GTPBP2: variants seen among roughly 807,000 people sequenced by gnomAD.
GTPBP2 encodes the protein GTP binding protein 2.
A neutral mutation model predicts 63.0 loss-of-function variants in GTPBP2; 32 were observed. The ratio of observed to expected loss-of-function variants is 0.51; its 90% confidence interval spans 0.38 to 0.68. GTPBP2 has a LOEUF of 0.68. Among genes scored for constraint, GTPBP2 ranks in the 30% least tolerant of loss-of-function variants. The probability of loss-of-function intolerance (pLI) is 0.00; values close to 1 mark genes in which losing one functional copy is unlikely to be tolerated. For synonymous variants in GTPBP2, 310 were observed against 322.6 expected (o/e 0.96, Z 0.42); for missense variants, 492 against 796.9 (o/e 0.62, Z 4.61).
Position 43,621,986 on chromosome 6 carries a change from G to A in GTPBP2, c.1632+17C>T. On this transcript the variant is annotated intron_variant, in intron 11 of 11. Transcript: ENST00000307126. ...TTTTCTGACCTCTGGAGAAATGGAA[G>A]GCCAGGTCCCTCTCACCTTGGCATG... The A allele has an allele frequency of 1.9e-6, 3 of 1,613,582 alleles. No individual in the cohort carries two copies. The highest frequency in any genetic ancestry group is 1.1e-5 in the South Asian group (1 of 91,066).
chr6:43,630,159 A>C (rs897358709), upstream of GTPBP2, among the ~76,000 whole-genome samples: 1 of 152,244 alleles, frequency 6.6e-6, no homozygotes, highest in Non-Finnish European at 1.5e-5. Context: ...CCGGGAATAG[A>C]AACTTGGCCT....
Position 43,626,153 on chromosome 6 carries a change from C to A in GTPBP2, c.398+73G>T. 7.1e-7 allele frequency: 1 copy of A among 1,400,186 alleles called. No homozygotes were observed. 86.7% of individuals were successfully genotyped at this position (1,400,186 alleles called of 1,614,324 possible). A position where few individuals can be genotyped will look rare whatever the true frequency, so the allele number is the denominator to read the frequency against. On this transcript the variant is annotated intron_variant, in intron 3 of 11. Transcript: ENST00000307126. The surrounding 1 kb of genome is among the most constrained non-coding windows in gnomAD (Gnocchi z 4.0). ...GAAAGTCCCACCTTGGCCCCTCAGG[C>A]CCTAGGTAACTGGGTATGCATGGGT... is the stretch of plus-strand genomic sequence containing the variant.
chr6:43,629,828 T>G (rs1769784429), upstream of GTPBP2: 1 of 1,535,214 alleles, frequency 6.5e-7, no homozygotes, highest in Non-Finnish European at 8.8e-7. Flanking sequence ...TTACGGCTGT[T>G]ATTGTTGGGA....
intron 1 of GTPBP2, among the ~76,000 whole-genome samples, chr6:43,628,102 G>A (rs1174325205): frequency 6.6e-6 from 1 of 152,322 alleles, no homozygotes; most frequent in Non-Finnish European, 1.5e-5. Context: ...GGAGGCTCAC[G>A]CCTGCAATCC....
chr6:43,627,054 C>G, intron 1 of GTPBP2, 106 bp from the exon 2 acceptor site: 3 of 1,036,358 alleles, frequency 2.9e-6, no homozygotes, highest in Non-Finnish European at 4.3e-6. Context: ...GCAGGAAGCC[C>G]CACTGGCACT....
At chr6:43,628,663 T>C (rs1769632941) in intron 1 of GTPBP2, 6 of 823,988 alleles carry the variant, frequency 7.3e-6, no homozygotes, top group Middle Eastern at 2.9e-4. Flanking sequence ...TCTTGCCCTA[T>C]GGCGGCACAC....
chr6:43,629,650 C>A, upstream of GTPBP2: 1 of 1,305,690 alleles, frequency 7.7e-7, no homozygotes, highest in Non-Finnish European at 1.1e-6. Context: ...CCCTTTAGCG[C>A]GGATCCTAGA....
At position 43,622,429 on chromosome 6, in the gene GTPBP2, T is replaced by C. The variant is rs1028395757; in HGVS notation, c.1467+204A>G. On this transcript the variant is annotated intron_variant, in intron 10 of 11. Coordinates refer to ENST00000307126, the MANE Select transcript of GTPBP2 (RefSeq NM_019096.5). This position sits in a 1 kb window ranked among gnomAD's most constrained non-coding sequence, Gnocchi z 5.4. ...AGTGTTCATTAAAAACAGTGTAACA[T>C]AGTGATTCATATTTAGTTATCTGTA... 4.6e-5 allele frequency among the ~76,000 whole-genome samples: 7 copies of C among 152,166 alleles called. No individual in the cohort carries two copies. The highest frequency in any genetic ancestry group is 7.3e-5 in the Non-Finnish European group (5 of 68,038).
In GTPBP2 at chr6:43,622,340, C is replaced by T. The variant is rs544759414; in HGVS notation, c.1468-173G>A. Among the ~76,000 whole-genome samples, 14 of 152,234 alleles carry T rather than the reference C, an allele frequency of 9.2e-5. No individual in the cohort carries two copies. The East Asian group carries it at 2.7e-3, about 29-fold the overall frequency. Reference sequence around the variant, plus strand: ...ACTCTCAGAGGGAATGAGTCTTTACCCACCTCCTACGTCCTCTAGCCCATC... The same window carrying T: ...ACTCTCAGAGGGAATGAGTCTTTACTCACCTCCTACGTCCTCTAGCCCATC... On this transcript the variant is annotated intron_variant, in intron 10 of 11. Coordinates refer to ENST00000307126, the MANE Select transcript of GTPBP2 (RefSeq NM_019096.5). This position sits in a 1 kb window ranked among gnomAD's most constrained non-coding sequence, Gnocchi z 5.4.
At position 43,622,701 on chromosome 6, in the gene GTPBP2, G is replaced by A. The variant is rs1243962547; in HGVS notation, c.1399C>T (p.Arg467Cys). Residue 467 changes from arginine to cysteine, a missense_variant, in exon 10 of 12, where the codon CGT becomes TGT. Arg to Cys is a radical substitution (Grantham distance 180). This residue lies in a region of GTPBP2 where 400 missense variants were observed against 710.8 expected (regional missense o/e 0.56). Transcript: ENST00000307126. This position sits in a 1 kb window ranked among gnomAD's most constrained non-coding sequence, Gnocchi z 5.4. ...CSIQRNRSAC[R>C]VLRAGQAATL... Reference sequence around the variant, plus strand: ...GCAGCCTGACCAGCTCGCAGCACACGACAGGCAGAGCGGTTGCGCTGGATG... The same window carrying A: ...GCAGCCTGACCAGCTCGCAGCACACAACAGGCAGAGCGGTTGCGCTGGATG... The A allele has an allele frequency of 6.2e-7, 1 of 1,614,142 alleles. No individual in the cohort carries two copies. Among genetic ancestry groups the A allele is most frequent in the Non-Finnish European group, 8.5e-7 (1 of 1,180,012 alleles).
In GTPBP2 at chr6:43,624,201, A is replaced by G. The variant is rs1355168451; in HGVS notation, c.1101-133T>C. 5 of 742,606 alleles carry G rather than the reference A, an allele frequency of 6.7e-6. No individual in the cohort carries two copies. The African/African-American group carries it at 8.7e-5, about 13-fold the overall frequency. The allele number at this position is 742,606 out of a possible 1,614,324, so 46.0% of individuals were successfully genotyped here. A position where few individuals can be genotyped will look rare whatever the true frequency, so the allele number is the denominator to read the frequency against. ...TCTCCTGTCTGCAAATGGCTCAGGA[A>G]CTCTGGGCCTTCTTGTGAGCCAGTC... On this transcript the variant is annotated intron_variant, in intron 7 of 11. Transcript: ENST00000307126. The surrounding 1 kb of genome is among the most constrained non-coding windows in gnomAD (Gnocchi z 5.1).
In GTPBP2 at chr6:43,621,624, A is replaced by C. The variant is rs774838374; in HGVS notation, c.1799T>G (p.Met600Arg). The C allele has an allele frequency of 1.2e-6, 2 of 1,614,188 alleles. No individual in the cohort carries two copies. Among genetic ancestry groups the C allele is most frequent in the Non-Finnish European group, 1.7e-6 (2 of 1,180,012 alleles). Residue 600 changes from methionine to arginine, a missense_variant, in exon 12 of 12, where the codon ATG becomes AGG. Coordinates refer to ENST00000307126, the MANE Select transcript of GTPBP2 (RefSeq NM_019096.5). ...CCCTGCCTGAAGGGTTCAGAAGCCC[A>C]TGTTGGCCTGGGCTTCTCCTGCTGT... ...AITAGEAQAN[M>R]GF
upstream of GTPBP2, chr6:43,629,596 G>A (rs1489823566): frequency 5.2e-6 from 4 of 770,324 alleles, no homozygotes; most frequent in Admixed American, 8.1e-5. Flanking sequence ...CAGCGTAGAA[G>A]AGCTTACATC....
rs1768690175 is a variant in GTPBP2, at chr6:43,621,149, C to G, written c.*465G>C. 1 of 330,610 alleles carries G rather than the reference C, an allele frequency of 3.0e-6. No homozygotes were observed. Among genetic ancestry groups the G allele is most frequent in the South Asian group, 2.5e-5 (1 of 40,468 alleles). 20.5% of individuals were successfully genotyped at this position (330,610 alleles called of 1,614,324 possible). ...CCACCAGATGGCCAAGAGCAGATAACCTTTTGTCCACAGCCAGGTAGAGAT... is the reference window on the plus strand; with the variant it reads ...CCACCAGATGGCCAAGAGCAGATAAGCTTTTGTCCACAGCCAGGTAGAGAT... On this transcript the variant is annotated 3_prime_UTR_variant, in exon 12 of 12. Transcript: ENST00000307126.
upstream of GTPBP2, chr6:43,629,703 G>A: frequency 6.5e-7 from 1 of 1,549,096 alleles, no homozygotes. Context: ...TGAGGCTACT[G>A]GTGCCGCCAG....
rs1158622785 is a variant in GTPBP2 at position 43,626,004 on chromosome 6, C to T, written c.399-140G>A. On this transcript the variant is annotated intron_variant, in intron 3 of 11. Transcript: ENST00000307126. The surrounding 1 kb of genome is among the most constrained non-coding windows in gnomAD (Gnocchi z 4.0). Reference sequence around the variant, plus strand: ...CTTCCTACCACCCTCCAATCTATTCCTCATTCACAGTTCCCTTTAAAACAA... The same window carrying T: ...CTTCCTACCACCCTCCAATCTATTCTTCATTCACAGTTCCCTTTAAAACAA... The T allele has an allele frequency of 6.8e-6, 5 of 740,318 alleles. No individual in the cohort carries two copies. Among genetic ancestry groups the T allele is most frequent in the South Asian group, 3.1e-5 (2 of 63,534 alleles). The allele number at this position is 740,318 out of a possible 1,614,324, so 45.9% of individuals were successfully genotyped here.
chr6:43,624,081 G>A lies in GTPBP2; in HGVS notation c.1101-13C>T. On this transcript the variant is annotated splice_polypyrimidine_tract_variant and intron_variant, in intron 7 of 11. Transcript: ENST00000307126. This position sits in a 1 kb window ranked among gnomAD's most constrained non-coding sequence, Gnocchi z 5.1. ...GATGGGGGTGACACTGTAGAGGGAG[G>A]CATGGAATGGACAGATGAAGACAGT... The A allele has an allele frequency of 1.2e-6, 2 of 1,605,840 alleles. No individual in the cohort carries two copies. Among genetic ancestry groups the A allele is most frequent in the Admixed American group, 1.7e-5 (1 of 59,538 alleles).
At position 43,625,255 on chromosome 6, in the gene GTPBP2, C is replaced by T. The variant is rs1769206890; in HGVS notation, c.705+108G>A. 1 of 1,120,826 alleles carries T rather than the reference C, an allele frequency of 8.9e-7. No homozygotes were observed. Among genetic ancestry groups the T allele is most frequent in the Non-Finnish European group, 1.3e-6 (1 of 745,520 alleles). 69.4% of individuals were successfully genotyped at this position (1,120,826 alleles called of 1,614,324 possible). A position where few individuals can be genotyped will look rare whatever the true frequency, so the allele number is the denominator to read the frequency against. On this transcript the variant is annotated intron_variant, in intron 5 of 11. Transcript: ENST00000307126. This position sits in a 1 kb window ranked among gnomAD's most constrained non-coding sequence, Gnocchi z 5.1. Reference sequence around the variant, plus strand: ...TTCACAGTCCCCTCAGGGCATTCATCTATACTATTTCAAAAAGTCTCCACA... The same window carrying T: ...TTCACAGTCCCCTCAGGGCATTCATTTATACTATTTCAAAAAGTCTCCACA...
rs1769368835 is a variant in GTPBP2, at chr6:43,626,627, C to G, written c.214-217G>C. On this transcript the variant is annotated intron_variant, in intron 2 of 11. Transcript: ENST00000307126. The surrounding 1 kb of genome is among the most constrained non-coding windows in gnomAD (Gnocchi z 4.0). ...TTGGAAGGCTCTCAGAGAACTTATC[C>G]CATGCTGGTGGATCACCAGAGGTCA... Among the ~76,000 whole-genome samples the G allele has an allele frequency of 6.6e-6, 1 of 152,078 alleles. No homozygotes were observed. Among genetic ancestry groups the G allele is most frequent in the African/African-American group, 2.4e-5 (1 of 41,414 alleles).
Sources: gnomAD v4.1 joint callset for allele counts (sites outside exome capture counted in the v4.1 genomes callset) on GRCh38, gnomAD v4.1.1 for gene constraint, gnomAD v4.1.1 regional missense constraint, Gnocchi (gnomAD v3.1) non-coding constraint, MANE v1.5 for transcripts, NCBI Gene and HGNC (gene_info 2026-07-23, HGNC 2026-07-21) for gene names.